Variants in DIAPH3 observed in about 807,000 individuals in gnomAD.
The protein encoded by DIAPH3 is diaphanous related formin 3.
DIAPH3 carries 117 observed loss-of-function variants against 144.3 expected under a neutral mutation model. That is an observed-to-expected ratio of 0.81 (90% CI 0.70 to 0.95). The LOEUF is 0.95. Ranked by LOEUF, DIAPH3 falls within the 40% of genes least tolerant of loss-of-function variation. The pLI is 0.00. For missense variants in DIAPH3, 1,421 were observed against 1,412.7 expected (o/e 1.01, Z -0.09); for synonymous variants, 519 against 488.9 (o/e 1.06, Z -0.81).
intron 20 of DIAPH3, among the ~76,000 whole-genome samples, chr13:59,883,381 G>C (rs1361500281): frequency 6.6e-6 from 1 of 152,072 alleles, no homozygotes; most frequent in Non-Finnish European, 1.5e-5. Context: ...CAGGTTGTCA[G>C]ATGTTTTTTT....
chr13:59,769,123 T>G (rs930304226), intron 27 of DIAPH3, among the ~76,000 whole-genome samples: 1 of 152,066 alleles, frequency 6.6e-6, no homozygotes, highest in African/African-American at 2.4e-5. Flanking sequence ...TAAGGTGTGG[T>G]TCAACAATTC....
intron 27 of DIAPH3, among the ~76,000 whole-genome samples, chr13:59,756,448 G>GGAAGGAAA (rs1555289850): frequency 0.16 from 19,339 of 124,618 alleles, 1,500 homozygotes; most frequent in Non-Finnish European, 0.18. Context: ...AAGGAAAGAA[G>GGAAGGAAA]GAAGGAAGGA....
intron 5 of DIAPH3, among the ~76,000 whole-genome samples, chr13:60,022,067 G>A (rs1246113851): frequency 6.6e-6 from 1 of 152,174 alleles, no homozygotes; most frequent in Non-Finnish European, 1.5e-5. Context: ...TACATTGCTA[G>A]TACATAGAAA....
At chr13:60,079,293 T>A (rs536038305) in intron 4 of DIAPH3, among the ~76,000 whole-genome samples, 1 of 152,070 alleles carries the variant, frequency 6.6e-6, no homozygotes, top group African/African-American at 2.4e-5. Context: ...TAGTAAGCAA[T>A]AGATGCTCAA....
At chr13:59,890,167 G>A (rs535821016) in intron 20 of DIAPH3, among the ~76,000 whole-genome samples, 39 of 152,094 alleles carry the variant, frequency 2.6e-4, no homozygotes, top group Admixed American at 1.2e-3. Context: ...CAGACACAAG[G>A]GAGATACCCA....
intron 4 of DIAPH3, among the ~76,000 whole-genome samples, chr13:60,066,512 T>C (rs2056972505): frequency 6.6e-6 from 1 of 152,214 alleles, no homozygotes; most frequent in Non-Finnish European, 1.5e-5. Context: ...AGATGGCTGA[T>C]TACAAGCAAC....
At chr13:59,667,442 C>T (rs2032085874) in intron 27 of DIAPH3, among the ~76,000 whole-genome samples, 1 of 152,210 alleles carries the variant, frequency 6.6e-6, no homozygotes, top group Non-Finnish European at 1.5e-5. Flanking sequence ...TTTCCACACT[C>T]TGTGACACAA....
intron 27 of DIAPH3, among the ~76,000 whole-genome samples, chr13:59,766,775 A>G (rs1180509875): frequency 1.3e-5 from 2 of 148,310 alleles, no homozygotes; most frequent in Non-Finnish European, 3.0e-5. Context: ...TCTTTTCTTC[A>G]TATCTAGGCT....
chr13:60,064,373 T>G (rs114089216), intron 4 of DIAPH3, among the ~76,000 whole-genome samples: 7,117 of 152,320 alleles, frequency 0.047, 247 homozygotes, highest in Admixed American at 0.093. Flanking sequence ...GTAGCCACCC[T>G]CATCAATGAT....
intron 1 of DIAPH3, among the ~76,000 whole-genome samples, chr13:60,138,549 G>C (rs1594761567): frequency 6.6e-6 from 1 of 152,170 alleles, no homozygotes; most frequent in Non-Finnish European, 1.5e-5. Flanking sequence ...AATTAGCACT[G>C]TTTTAAGATA....
chr13:59,903,746 G>T (rs1277108348), intron 20 of DIAPH3, among the ~76,000 whole-genome samples: 2 of 151,962 alleles, frequency 1.3e-5, no homozygotes, highest in Non-Finnish European at 2.9e-5. Context: ...TACTCAAAAT[G>T]ATTTTTAAAA....
chr13:59,699,967 CT>C (rs1007901981), intron 27 of DIAPH3, among the ~76,000 whole-genome samples: 3 of 152,186 alleles, frequency 2.0e-5, no homozygotes, highest in African/African-American at 7.2e-5. Context: ...CGGCTTCAAA[CT>C]TTACTCCTCT....
At chr13:59,791,096 C>A (rs2039303189) in intron 25 of DIAPH3, among the ~76,000 whole-genome samples, 1 of 152,080 alleles carries the variant, frequency 6.6e-6, no homozygotes, top group African/African-American at 2.4e-5. Context: ...CTGCTAAAGC[C>A]TCCTGAGTAC....
In DIAPH3 at chr13:59,944,795, G is replaced by GC. The variant is rs68168683; in HGVS notation, c.2075-19926_2075-19925insG. ...AACTTTTCTGTGTGTTAGAAAAAAA[G>GC]GGGGGGGGCTATTATCCTTTATACC... On this transcript the variant is annotated intron_variant, in intron 17 of 27. Transcript: ENST00000400324. Among the ~76,000 whole-genome samples, 503 of 33,354 alleles carry GC rather than the reference G, an allele frequency of 0.015. 18 individuals carry two copies. In the Admixed American group the frequency reaches 0.19, roughly 13 times the overall value. The allele number at this position is 33,354 out of a possible 152,430, so 21.9% of individuals were successfully genotyped here.
intron 27 of DIAPH3, among the ~76,000 whole-genome samples, chr13:59,715,430 A>G (rs918756093): frequency 6.6e-6 from 1 of 152,214 alleles, no homozygotes; most frequent in African/African-American, 2.4e-5. Flanking sequence ...TAGAAGGCAT[A>G]ATTTTAAGCT....
intron 20 of DIAPH3, among the ~76,000 whole-genome samples, chr13:59,888,882 T>G (rs1431772684): frequency 6.6e-6 from 1 of 152,070 alleles, no homozygotes; most frequent in Non-Finnish European, 1.5e-5. Context: ...GGGTATTTTT[T>G]TAACACCTTT....
At chr13:60,064,055 G>A (rs548031471) in intron 4 of DIAPH3, among the ~76,000 whole-genome samples, 52 of 152,196 alleles carry the variant, frequency 3.4e-4, no homozygotes, top group Non-Finnish European at 5.9e-4. Flanking sequence ...CTCAACAAGC[G>A]GGCTTAAAAT....
intron 5 of DIAPH3, among the ~76,000 whole-genome samples, chr13:60,019,819 T>A (rs905397126): frequency 1.3e-5 from 2 of 152,102 alleles, no homozygotes; most frequent in African/African-American, 4.8e-5. Context: ...CATTGAGCAA[T>A]AGAGGCAACA....
intron 25 of DIAPH3, among the ~76,000 whole-genome samples, chr13:59,807,540 T>C (rs1021748102): frequency 6.6e-6 from 1 of 152,056 alleles, no homozygotes; most frequent in Non-Finnish European, 1.5e-5. Flanking sequence ...AACTTACCTA[T>C]TTTAATATCA....
Sources: allele counts gnomAD v4.1 joint callset (sites outside exome capture counted in the v4.1 genomes callset), GRCh38; gene constraint gnomAD v4.1.1; transcripts MANE v1.5; gene names NCBI Gene and HGNC (gene_info 2026-07-23, HGNC 2026-07-21).